NCOA6: variants seen among roughly 807,000 people sequenced by gnomAD.
NCOA6 encodes the protein NRC RAP250.
NCOA6 carries 49 observed loss-of-function variants against 171.4 expected under a neutral mutation model. The observed-to-expected ratio is 0.29, with a 90% CI of 0.23 to 0.36. The LOEUF is 0.36. NCOA6 is among the 10% of genes least tolerant of loss of function. The pLI is 1.00. For missense variants in NCOA6, 2,248 were observed against 2,554.5 expected, an observed-to-expected ratio of 0.88 and a Z score of 2.59; for synonymous variants, 910 against 927.5, an observed-to-expected ratio of 0.98 and a Z score of 0.34.
chr20:34,770,839 A>G (rs984952055), intron 4 of NCOA6, among the ~76,000 whole-genome samples: 4 of 151,912 alleles, frequency 2.6e-5, no homozygotes, highest in Non-Finnish European at 5.9e-5. Flanking sequence ...CATGTTGGCC[A>G]GACTGGTCTC....
At chr20:34,801,778 T>G (rs1248410201) in intron 1 of NCOA6, among the ~76,000 whole-genome samples, 1 of 152,068 alleles carries the variant, frequency 6.6e-6, no homozygotes, top group Non-Finnish European at 1.5e-5. Context: ...GGCAGGAGAA[T>G]CACTTGAACC....
chr20:34,783,478 T>C (rs771446905), intron 2 of NCOA6, among the ~76,000 whole-genome samples: 12 of 152,192 alleles, frequency 7.9e-5, no homozygotes, highest in South Asian at 2.1e-4. Flanking sequence ...AGTTTGGGGA[T>C]TGAAGATCAC....
chr20:34,766,985 C>A (rs2077000673), intron 5 of NCOA6, among the ~76,000 whole-genome samples: 1 of 152,154 alleles, frequency 6.6e-6, no homozygotes, highest in African/African-American at 2.4e-5. Flanking sequence ...TCTATGTACA[C>A]AATACCAGGC....
At chr20:34,811,242 C>T (rs532181054) in intron 1 of NCOA6, among the ~76,000 whole-genome samples, 213 of 55,782 alleles carry the variant, frequency 3.8e-3, no homozygotes, top group African/African-American at 0.014. Context: ...TATATGCTTT[C>T]AAAATGCATT....
At chr20:34,790,819 T>C (rs1001178503) in intron 2 of NCOA6, among the ~76,000 whole-genome samples, 2 of 151,866 alleles carry the variant, frequency 1.3e-5, no homozygotes, top group African/African-American at 4.8e-5. Context: ...CTGGCTAATT[T>C]TGTTTGTTTT....
At chr20:34,799,235 G>A (rs1189199717) in intron 1 of NCOA6, among the ~76,000 whole-genome samples, 1 of 152,074 alleles carries the variant, frequency 6.6e-6, no homozygotes, top group African/African-American at 2.4e-5. Flanking sequence ...CAGCAGAATT[G>A]ATCAAGAAGA....
intron 1 of NCOA6, among the ~76,000 whole-genome samples, chr20:34,805,001 C>T (rs973739342): frequency 1.2e-4 from 18 of 151,870 alleles, no homozygotes; most frequent in Non-Finnish European, 5.9e-5. Flanking sequence ...CTGCTCTTCC[C>T]AGACTCTAGT....
At chr20:34,772,994 A>G (rs889536590) in intron 4 of NCOA6, among the ~76,000 whole-genome samples, 1 of 152,218 alleles carries the variant, frequency 6.6e-6, no homozygotes, top group Non-Finnish European at 1.5e-5. Context: ...CATATATGCT[A>G]ATTTGTGTCA....
chr20:34,793,197 A>G (rs2077952159), intron 1 of NCOA6, among the ~76,000 whole-genome samples: 1 of 152,156 alleles, frequency 6.6e-6, no homozygotes, highest in Non-Finnish European at 1.5e-5. Context: ...TAAGCCTTAG[A>G]GCCCTCTCTA....
At chr20:34,810,374 T>G (rs1352398561) in intron 1 of NCOA6, among the ~76,000 whole-genome samples, 2 of 152,186 alleles carry the variant, frequency 1.3e-5, no homozygotes, top group Non-Finnish European at 2.9e-5. Flanking sequence ...TTAACATTAC[T>G]TTCCTACTTA....
chr20:34,822,335 T>C (rs1004731857), intron 1 of NCOA6, among the ~76,000 whole-genome samples: 2 of 152,198 alleles, frequency 1.3e-5, no homozygotes, highest in African/African-American at 4.8e-5. Flanking sequence ...GTCTCATCTC[T>C]GGCCATGCTT....
At chr20:34,716,349 C>A (rs987671555) in intron 14 of NCOA6, among the ~76,000 whole-genome samples, 1 of 152,130 alleles carries the variant, frequency 6.6e-6, no homozygotes, top group African/African-American at 2.4e-5. Flanking sequence ...GATTTACACA[C>A]AGAATGACAG....
At chr20:34,804,568 A>G (rs902436844) in intron 1 of NCOA6, among the ~76,000 whole-genome samples, 1 of 151,824 alleles carries the variant, frequency 6.6e-6, no homozygotes, top group Middle Eastern at 3.2e-3. Context: ...AGAAGTGGTT[A>G]AACAATTTAA....
In NCOA6 at chr20:34,740,830, C is replaced by A; in HGVS notation, c.5426G>T (p.Ser1809Ile). ...NSPGSSGNRR[S>I]PVSSSKGKGK... ...TTTGCCCTTACTAGACGAGACTGGG[C>A]TTCGCCGGTTGCCAGAGGACCCTGG... Residue 1809 changes from serine to isoleucine, a missense_variant, in exon 11 of 15, where the codon AGC (serine) becomes ATC (isoleucine). Physicochemically the swap from Ser to Ile is moderately radical, Grantham distance 142 (BLOSUM62 -2). Around this residue, in one of 7 missense-constraint regions of NCOA6, gnomAD observed 884 missense variants for 941.9 expected, o/e 0.94. Transcript: ENST00000359003. 1 of 1,614,230 alleles carries A rather than the reference C, an allele frequency of 6.2e-7. No homozygotes were observed. The highest frequency in any genetic ancestry group is 8.5e-7 in the Non-Finnish European group (1 of 1,180,054).
rs776443531 is a variant in NCOA6 at position 34,741,968 on chromosome 20, A to G, written c.4288T>C (p.Ser1430Pro). 6.2e-7 allele frequency: 1 copy of G among 1,614,148 alleles called. No homozygotes were observed. The highest frequency in any genetic ancestry group is 2.2e-5 in the East Asian group (1 of 44,880). The change falls in exon 11 of 15, where the codon TCC becomes CCC. Residue 1430 changes from serine to proline, a missense_variant. By Grantham distance (74) the Ser-to-Pro change is moderately conservative (BLOSUM62 -1). Transcript: ENST00000359003. ...NVPQDSDCQN[S>P]QSRKEQVNIE... ...TTTACCTGTTCCTTCCTACTCTGGG[A>G]ATTCTGGCAATCACTGTCCTGAGGC...
chr20:34,757,508 C>T lies in NCOA6; in HGVS notation c.1240G>A (p.Val414Ile), dbSNP rs140006872. The T allele has an allele frequency of 5.0e-6, 8 of 1,613,704 alleles. No individual in the cohort carries two copies. The highest frequency in any genetic ancestry group is 6.8e-6 in the Non-Finnish European group (8 of 1,179,892). The change falls in exon 7 of 15, where the codon GTC becomes ATC. Residue 414 changes from valine (V) to isoleucine (I), a missense_variant. By Grantham distance (29) the Val-to-Ile change is conservative. This residue lies in a region of NCOA6 where 987 missense variants were observed against 1,104.7 expected (regional missense o/e 0.89). Coordinates refer to ENST00000359003, the MANE Select transcript of NCOA6 (RefSeq NM_014071.5). ...MKSLQGGPSR[V>I]PTPLQQPHLT... is the part of the protein sequence containing the mutation. ...TGGGGCTGCTGCAAGGGAGTTGGGA[C>T]CCTAGAGGGCCCTCCCTGCAAACTC... is the stretch of plus-strand genomic sequence containing the variant.
At chr20:34,754,996 G>T in intron 7 of NCOA6, 128 bp from the exon 8 acceptor site, 1 of 851,540 alleles carries the variant, frequency 1.2e-6, no homozygotes, top group Non-Finnish European at 1.8e-6. Context: ...CACACTGGTA[G>T]GATCTTTAAT....
At chr20:34,732,170 G>C (rs1478492656) in intron 13 of NCOA6, among the ~76,000 whole-genome samples, 3 of 152,208 alleles carry the variant, frequency 2.0e-5, no homozygotes. Context: ...GATCCTGCCT[G>C]GCTTTCTCCT....
intron 1 of NCOA6, among the ~76,000 whole-genome samples, chr20:34,801,917 A>G (rs78395534): frequency 6.6e-6 from 1 of 152,186 alleles, no homozygotes; most frequent in Non-Finnish European, 1.5e-5. Context: ...AAAAGCCACA[A>G]TAAAAAAGAA....
Sources: allele counts gnomAD v4.1 joint callset (sites outside exome capture counted in the v4.1 genomes callset), GRCh38; gene constraint gnomAD v4.1.1; regional missense constraint gnomAD v4.1.1; transcripts MANE v1.5; gene names NCBI Gene and HGNC (gene_info 2026-07-23, HGNC 2026-07-21).